MAML2: variants seen among roughly 807,000 people sequenced by gnomAD.
MAML2 encodes the protein mastermind-like protein 2.
In MAML2, 22 loss-of-function variants were observed where a neutral mutation model predicts 96.1. The ratio of observed to expected loss-of-function variants is 0.23; its 90% CI spans 0.16 to 0.33. MAML2 has a LOEUF of 0.33. MAML2 is among the 10% of genes least tolerant of loss of function. The probability of loss-of-function intolerance (pLI) is 1.00; values close to 1 mark genes in which losing one functional copy is unlikely to be tolerated. For synonymous variants in MAML2, 561 were observed against 521.3 expected (o/e 1.08, Z -1.04); for missense variants, 1,367 against 1,392.4 (o/e 0.98, Z 0.29).
chr11:95,994,630 C>T (rs1462784144), intron 2 of MAML2, among the ~76,000 whole-genome samples: 1 of 152,092 alleles, frequency 6.6e-6, no homozygotes, highest in Non-Finnish European at 1.5e-5. Flanking sequence ...TGGGGGAAGA[C>T]ATCAAGGTGG....
chr11:96,048,563 T>A (rs1386987881), intron 2 of MAML2, among the ~76,000 whole-genome samples: 1 of 152,204 alleles, frequency 6.6e-6, no homozygotes, highest in East Asian at 1.9e-4. Flanking sequence ...AGAAAATGTC[T>A]TAAGAGGAGT....
In MAML2 at chr11:95,998,129, T is replaced by TGTCTGTCA. The variant is rs1271563500; in HGVS notation, c.2140-6407_2140-6406insTGACAGAC. ...TTATCCACTTTTCTATCTATCTGTC[T>TGTCTGTCA]GTCTGTCTGTCAGTCTGTCTGTCTG... On this transcript the variant is annotated intron_variant, in intron 2 of 4. Coordinates refer to ENST00000524717, the MANE Select transcript of MAML2 (RefSeq NM_032427.4). 4.7e-3 allele frequency among the ~76,000 whole-genome samples: 648 copies of TGTCTGTCA among 139,334 alleles called. 4 individuals are homozygous for TGTCTGTCA. Among genetic ancestry groups the TGTCTGTCA allele is most frequent in the African/African-American group, 0.016 (608 of 37,130 alleles). 91.4% of individuals were successfully genotyped at this position (139,334 alleles called of 152,430 possible).
intron 2 of MAML2, among the ~76,000 whole-genome samples, chr11:96,015,585 G>GT (rs1491408645): frequency 3.8e-4 from 4 of 10,394 alleles, no homozygotes; most frequent in Non-Finnish European, 1.2e-3. Flanking sequence ...AAAAAAAAAA[G>GT]GGGGGGGGGG....
intron 2 of MAML2, among the ~76,000 whole-genome samples, chr11:96,044,777 A>T (rs773471319): frequency 6.6e-6 from 1 of 152,190 alleles, no homozygotes; most frequent in Non-Finnish European, 1.5e-5. Flanking sequence ...AATCTGTCTC[A>T]CCTATTTGGA....
At chr11:96,120,532 G>A (rs1024030257) in intron 1 of MAML2, among the ~76,000 whole-genome samples, 3 of 152,122 alleles carry the variant, frequency 2.0e-5, no homozygotes, top group Non-Finnish European at 2.9e-5. Context: ...CTCTTTGTTA[G>A]TAAGTCTACC....
At chr11:96,094,845 A>T (rs1274294327) in intron 1 of MAML2, among the ~76,000 whole-genome samples, 1 of 152,190 alleles carries the variant, frequency 6.6e-6, no homozygotes, top group Non-Finnish European at 1.5e-5. Context: ...AAATTCTATC[A>T]CTTCTCCTAT....
intron 1 of MAML2, among the ~76,000 whole-genome samples, chr11:96,151,117 C>A (rs1860914287): frequency 6.6e-6 from 1 of 152,206 alleles, no homozygotes. Context: ...GAATACACTT[C>A]AAACTCCCTC....
chr11:96,008,388 G>A (rs1858219034), intron 2 of MAML2, among the ~76,000 whole-genome samples: 2 of 152,186 alleles, frequency 1.3e-5, no homozygotes, highest in Non-Finnish European at 1.5e-5. Context: ...ATATCGTGCA[G>A]TTACCAATGT....
At chr11:96,239,632 T>C (rs1249624944) in intron 1 of MAML2, among the ~76,000 whole-genome samples, 1 of 152,192 alleles carries the variant, frequency 6.6e-6, no homozygotes, top group African/African-American at 2.4e-5. Context: ...GAAAGAAACC[T>C]TGGTTTCAAA....
At chr11:96,247,515 A>C (rs1862527426) in intron 1 of MAML2, among the ~76,000 whole-genome samples, 1 of 152,136 alleles carries the variant, frequency 6.6e-6, no homozygotes, top group Non-Finnish European at 1.5e-5. Flanking sequence ...TCTGCTTTCC[A>C]ATCAATTTTA....
chr11:96,105,414 G>A lies in MAML2; in HGVS notation c.514-11897C>T, dbSNP rs530934712. Among the ~76,000 whole-genome samples the A allele has an allele frequency of 8.5e-5, 13 of 152,294 alleles. No homozygotes were observed. In the South Asian group the frequency reaches 2.7e-3, roughly 32 times the overall value. ...TCTGAATCATGTTTGGACAACCCAG[G>A]ACTGCAATGTGTTAACTGGTTTGGA... On this transcript the variant is annotated intron_variant, in intron 1 of 4. Transcript: ENST00000524717.
chr11:96,002,216 G>A (rs497437), intron 2 of MAML2, among the ~76,000 whole-genome samples: 35,901 of 152,022 alleles, frequency 0.24, 4,548 homozygotes, highest in East Asian at 0.38. Flanking sequence ...AATTCCCAGG[G>A]TATAGCAGAC....
intron 1 of MAML2, among the ~76,000 whole-genome samples, chr11:96,191,208 G>A (rs1249467219): frequency 6.6e-6 from 1 of 152,202 alleles, no homozygotes; most frequent in African/African-American, 2.4e-5. Context: ...GCTCACGACT[G>A]TAATCCCAGC....
rs557639623 is a variant in MAML2, at chr11:95,998,050, A to G, written c.2140-6327T>C. On this transcript the variant is annotated intron_variant, in intron 2 of 4. Transcript: ENST00000524717. The stretch of plus-strand genomic sequence containing the variant: ...TGGACTCAAACTCTATACAGATACT[A>G]GACTCTTTATATAGCAACAGCTTCC... Among the ~76,000 whole-genome samples, 19 of 152,224 alleles carry G rather than the reference A, an allele frequency of 1.2e-4. No individual in the cohort carries two copies. The South Asian group carries it at 1.9e-3, about 15-fold the overall frequency.
At chr11:95,990,018 A>G (rs897725717) in intron 3 of MAML2, among the ~76,000 whole-genome samples, 1 of 152,070 alleles carries the variant, frequency 6.6e-6, no homozygotes, top group Non-Finnish European at 1.5e-5. Flanking sequence ...ACAATAGTGG[A>G]CCCCACCTAC....
intron 1 of MAML2, among the ~76,000 whole-genome samples, chr11:96,202,151 G>C (rs1352546128): frequency 7.0e-6 from 1 of 141,998 alleles, no homozygotes; most frequent in Admixed American, 7.1e-5. Flanking sequence ...GGCTAACACG[G>C]TGAAACCCTG....
chr11:96,072,218 A>T, intron 2 of MAML2, among the ~76,000 whole-genome samples: 1 of 152,226 alleles, frequency 6.6e-6, no homozygotes, highest in Non-Finnish European at 1.5e-5. Context: ...TCTTGTTATA[A>T]GGTTAAGGCC....
intron 1 of MAML2, among the ~76,000 whole-genome samples, chr11:96,192,088 G>C (rs1861661323): frequency 6.6e-6 from 1 of 152,204 alleles, no homozygotes; most frequent in Non-Finnish European, 1.5e-5. Context: ...CCATCTCATG[G>C]ATAAGCAGAG....
At chr11:96,326,279 A>T (rs935344949) in intron 1 of MAML2, among the ~76,000 whole-genome samples, 9 of 152,048 alleles carry the variant, frequency 5.9e-5, no homozygotes, top group African/African-American at 2.2e-4. Context: ...AAACCTGGGA[A>T]GAATTTTAAG....
Sources: gnomAD v4.1 joint callset for allele counts (sites outside exome capture counted in the v4.1 genomes callset) on GRCh38, gnomAD v4.1.1 for gene constraint, MANE v1.5 for transcripts, NCBI Gene and HGNC (gene_info 2026-07-23, HGNC 2026-07-21) for gene names.